The following TP63 variants were observed in gnomAD, a reference collection of about 807,000 sequenced individuals.
TP63 encodes tumor protein p63.
Under a neutral mutation model 82.8 loss-of-function variants are expected in TP63, and 17 were observed. The ratio of observed to expected loss-of-function variants is 0.21; its 90% CI spans 0.14 to 0.31. The LOEUF is 0.31. Ranked by LOEUF, TP63 falls within the 10% of genes least tolerant of loss-of-function variation. The pLI is 1.00. For synonymous variants in TP63, 330 were observed against 321.7 expected (o/e 1.03, Z -0.28); for missense variants, 648 against 895.3 (o/e 0.72, Z 3.52).
intron 10 of TP63, among the ~76,000 whole-genome samples, chr3:189,884,823 G>A (rs1474947604): frequency 6.6e-6 from 1 of 152,174 alleles, no homozygotes; most frequent in East Asian, 1.9e-4. Flanking sequence ...ACAGCATATT[G>A]TTTGCATTCA....
At chr3:189,856,382 G>A (rs1404859311) in intron 4 of TP63, among the ~76,000 whole-genome samples, 7 of 151,738 alleles carry the variant, frequency 4.6e-5, no homozygotes, top group Non-Finnish European at 1.0e-4. Flanking sequence ...AAACTTTGTG[G>A]ACATAGCTAA....
intron 3 of TP63, among the ~76,000 whole-genome samples, chr3:189,752,076 G>A (rs1577351457): frequency 6.6e-6 from 1 of 151,944 alleles, no homozygotes; most frequent in African/African-American, 2.4e-5. Flanking sequence ...ATTTTATCTT[G>A]GGTAAGTTTG....
At chr3:189,848,239 TTCTCTC>T (rs59468983) in intron 4 of TP63, among the ~76,000 whole-genome samples, 5 of 95,978 alleles carry the variant, frequency 5.2e-5, no homozygotes, top group African/African-American at 8.5e-5. Flanking sequence ...CTCCTCCTCC[TTCTCTC>T]TCTCTCTCTC....
chr3:189,600,554 G>A, the TP63 span, among the ~76,000 whole-genome samples: 1 of 152,100 alleles, frequency 6.6e-6, no homozygotes, highest in Admixed American at 6.5e-5. Flanking sequence ...AAGTATCAGA[G>A]GTGAAAGTCA....
chr3:189,778,241 G>C (rs1374008049), intron 3 of TP63, among the ~76,000 whole-genome samples: 4 of 152,206 alleles, frequency 2.6e-5, no homozygotes, highest in Admixed American at 2.6e-4. Flanking sequence ...GAAAGGAAAT[G>C]TGTTTGTCTA....
intron 3 of TP63, among the ~76,000 whole-genome samples, chr3:189,749,056 G>A (rs74898174): frequency 0.013 from 1,915 of 151,894 alleles, 47 homozygotes; most frequent in African/African-American, 0.044. Context: ...TAAATGTAAG[G>A]CCTTAAAACT....
chr3:189,778,620 C>T (rs1485592001), intron 3 of TP63, among the ~76,000 whole-genome samples: 1 of 152,084 alleles, frequency 6.6e-6, no homozygotes, highest in Non-Finnish European at 1.5e-5. Flanking sequence ...ATTATTGTTG[C>T]TAAATAGGAA....
chr3:189,826,529 A>G (rs2108687448), intron 4 of TP63, among the ~76,000 whole-genome samples: 1 of 152,382 alleles, frequency 6.6e-6, no homozygotes, highest in East Asian at 1.9e-4. Context: ...AACTATTCCA[A>G]AGTCAGGAGT....
chr3:189,696,067 G>T (rs186947872), intron 1 of TP63, among the ~76,000 whole-genome samples: 48 of 151,916 alleles, frequency 3.2e-4, no homozygotes, highest in Admixed American at 5.2e-4. Flanking sequence ...TTTTTAATTT[G>T]CACACATTAA....
intron 3 of TP63, among the ~76,000 whole-genome samples, chr3:189,775,853 T>G (rs899159761): frequency 6.6e-6 from 1 of 152,226 alleles, no homozygotes; most frequent in African/African-American, 2.4e-5. Context: ...AGATAAAGTT[T>G]TGGTACCCTA....
chr3:189,691,338 C>CAAAAAAAAAAAAAAAAAAAAAAAA (rs781098833), intron 1 of TP63, among the ~76,000 whole-genome samples: 16 of 67,092 alleles, frequency 2.4e-4, no homozygotes, highest in Non-Finnish European at 3.1e-4. Flanking sequence ...GACTCCATCT[C>CAAAAAAAAAAAAAAAAAAAAAAAA]AAAAAAAAAA....
At chr3:189,634,581 C>G (rs373436217) in intron 1 of TP63, among the ~76,000 whole-genome samples, 7 of 151,966 alleles carry the variant, frequency 4.6e-5, no homozygotes, top group African/African-American at 1.7e-4. Context: ...TTTCTGAAAA[C>G]CAAAAAGGCA....
chr3:189,746,997 A>G (rs1427365412), intron 3 of TP63, among the ~76,000 whole-genome samples: 1 of 151,850 alleles, frequency 6.6e-6, no homozygotes. Context: ...GGAAAAAAAA[A>G]AAGAAACAAA....
At chr3:189,712,202 C>A (rs538584444) in intron 1 of TP63, among the ~76,000 whole-genome samples, 11 of 152,108 alleles carry the variant, frequency 7.2e-5, no homozygotes. Flanking sequence ...GAAACAGACA[C>A]GTAAACAACT....
intron 4 of TP63, among the ~76,000 whole-genome samples, chr3:189,816,259 A>G (rs1356809709): frequency 6.6e-6 from 1 of 152,238 alleles, no homozygotes; most frequent in Admixed American, 6.5e-5. Flanking sequence ...CTGGAAAACT[A>G]TATCATTAAG....
chr3:189,869,933 T>TA, intron 9 of TP63, among the ~76,000 whole-genome samples: 1 of 152,280 alleles, frequency 6.6e-6, no homozygotes, highest in African/African-American at 2.4e-5. Context: ...ATGTGTTTTT[T>TA]AAAATTAGAA....
upstream of TP63, among the ~76,000 whole-genome samples, chr3:189,627,157 TATAGCAGTC>T (rs1382182223): frequency 6.6e-6 from 1 of 152,186 alleles, no homozygotes; most frequent in Non-Finnish European, 1.5e-5. Flanking sequence ...CCTTCAGAGT[TATAGCAGTC>T]TTGGAAGAAA....
intron 1 of TP63, among the ~76,000 whole-genome samples, chr3:189,645,084 C>T (rs563073316): frequency 3.0e-4 from 46 of 152,170 alleles, no homozygotes; most frequent in Non-Finnish European, 5.7e-4. Context: ...ACCCATGAAT[C>T]GATATAAACC....
intron 3 of TP63, among the ~76,000 whole-genome samples, chr3:189,778,889 G>A (rs9809498): frequency 0.018 from 2,811 of 152,188 alleles, 82 homozygotes; most frequent in African/African-American, 0.064. Flanking sequence ...GATTAAGATC[G>A]GTATAATATT....
Sources: allele counts gnomAD v4.1 joint callset (sites outside exome capture counted in the v4.1 genomes callset), GRCh38; gene constraint gnomAD v4.1.1; transcripts MANE v1.5; gene names NCBI Gene and HGNC (gene_info 2026-07-23, HGNC 2026-07-21).